Variants in C14orf39 observed in about 807,000 individuals in gnomAD.
C14orf39 encodes the protein chromosome 14 open reading frame 39, also known as protein SIX6OS1.
In C14orf39, 66 loss-of-function variants were observed where a neutral mutation model predicts 85.6. The observed-to-expected ratio is 0.77, with a 90% CI of 0.63 to 0.95. The LOEUF (loss-of-function observed/expected upper bound fraction) is 0.95, where lower values mean the gene tolerates loss of function less well. Among genes scored for constraint, C14orf39 ranks in the 40% least tolerant of loss-of-function variants. The pLI is 0.00. For missense variants in C14orf39, 735 were observed against 663.9 expected (o/e 1.11, Z -1.18); for synonymous variants, 242 against 214.0 (o/e 1.13, Z -1.14).
At chr14:60,504,071 A>C (rs1566689443) in intron 1 of C14orf39, among the ~76,000 whole-genome samples, 1 of 152,196 alleles carries the variant, frequency 6.6e-6, no homozygotes, top group Non-Finnish European at 1.5e-5. Flanking sequence ...GCCAACTGAG[A>C]CTACCGAAAC....
In C14orf39 at chr14:60,451,136, C is replaced by G. The variant is rs1891014432; in HGVS notation, c.1503+3865G>C. On this transcript the variant is annotated intron_variant, in intron 16 of 17. Transcript: ENST00000321731. ...CTAGAAAAATCACCAGGGACCAGTC[C>G]TGGTGATTTCTAACACCAGTCAGAA... Among the ~76,000 whole-genome samples the G allele has an allele frequency of 2.0e-5, 3 of 152,188 alleles. No individual in the cohort carries two copies. The South Asian group carries it at 6.2e-4, about 32-fold the overall frequency.
chr14:60,462,217 AT>A lies in C14orf39; in HGVS notation c.973-625del, dbSNP rs1327332416. Among the ~76,000 whole-genome samples the A allele has an allele frequency of 5.3e-5, 8 of 149,938 alleles. No homozygotes were observed. In the South Asian group the frequency reaches 1.7e-3, roughly 32 times the overall value. On this transcript the variant is annotated intron_variant, in intron 11 of 17. Coordinates refer to ENST00000321731, the MANE Select transcript of C14orf39 (RefSeq NM_174978.3). ...TAGTGAGACCCCATCTCTACAAAAA[AT>A]TAAAAAATTAGCTGAGTTTGGTAGC...
chr14:60,489,913 C>T (rs1892960535), upstream of C14orf39, among the ~76,000 whole-genome samples: 1 of 152,186 alleles, frequency 6.6e-6, no homozygotes, highest in Admixed American at 6.5e-5. Flanking sequence ...CTTCCAATGC[C>T]ATTATGCCAT....
intron 7 of C14orf39, among the ~76,000 whole-genome samples, chr14:60,470,550 T>C (rs1309941826): frequency 6.6e-6 from 1 of 151,946 alleles, no homozygotes; most frequent in Non-Finnish European, 1.5e-5. Context: ...TGCAACCTTA[T>C]ATGTCATCCC....
chr14:60,488,147 A>G (rs1178915702), upstream of C14orf39, among the ~76,000 whole-genome samples: 1 of 152,198 alleles, frequency 6.6e-6, no homozygotes, highest in Admixed American at 6.5e-5. Context: ...TTAGTAGGTA[A>G]AAAGTTAGTC....
At chr14:60,450,803 G>A (rs1890996118) in intron 16 of C14orf39, among the ~76,000 whole-genome samples, 1 of 152,204 alleles carries the variant, frequency 6.6e-6, no homozygotes, top group South Asian at 2.1e-4. Context: ...AGCACAGAGA[G>A]AGAGGCTCCA....
At chr14:60,439,371 A>T (rs1486147304) in intron 17 of C14orf39, among the ~76,000 whole-genome samples, 2 of 152,224 alleles carry the variant, frequency 1.3e-5, no homozygotes, top group African/African-American at 4.8e-5. Flanking sequence ...AACACCAATT[A>T]GGATGATATT....
At chr14:60,447,587 A>G (rs1288559796) in intron 16 of C14orf39, among the ~76,000 whole-genome samples, 1 of 152,212 alleles carries the variant, frequency 6.6e-6, no homozygotes, top group Non-Finnish European at 1.5e-5. Flanking sequence ...ATGGATAGAA[A>G]GACTCAATAT....
chr14:60,483,451 C>T (rs1017304175), intron 4 of C14orf39, among the ~76,000 whole-genome samples: 4 of 152,116 alleles, frequency 2.6e-5, no homozygotes, highest in African/African-American at 9.7e-5. Flanking sequence ...ATATACTGAG[C>T]TTATTCAAAA....
At chr14:60,458,334 G>A (rs886886542) in intron 14 of C14orf39, among the ~76,000 whole-genome samples, 1 of 151,716 alleles carries the variant, frequency 6.6e-6, no homozygotes, top group Non-Finnish European at 1.5e-5. Context: ...CTTGAAACCC[G>A]CTTTTTTAGC....
rs116530735 is a variant in C14orf39 at position 60,503,291 on chromosome 14, T to C, written c.-143-3861A>G. 1.4e-4 allele frequency among the ~76,000 whole-genome samples: 21 copies of C among 152,288 alleles called. No homozygotes were observed. In the South Asian group the frequency reaches 3.5e-3, roughly 26 times the overall value. On this transcript the variant is annotated intron_variant, in intron 1 of 5. Coordinates refer to the C14orf39 transcript ENST00000556799. ...GGGTTTTTAGGGCTTGCAAGGGTTATACCACCTGACAAGACCCAGAAGTGT... is the reference window on the plus strand; with the variant it reads ...GGGTTTTTAGGGCTTGCAAGGGTTACACCACCTGACAAGACCCAGAAGTGT...
chr14:60,479,795 T>C (rs1297401529), intron 4 of C14orf39, among the ~76,000 whole-genome samples: 3 of 152,158 alleles, frequency 2.0e-5, no homozygotes, highest in South Asian at 2.1e-4. Flanking sequence ...TCCATAAATA[T>C]ACACCTATAT....
At chr14:60,506,964 T>A (rs1056356585) in intron 1 of C14orf39, among the ~76,000 whole-genome samples, 1 of 152,206 alleles carries the variant, frequency 6.6e-6, no homozygotes, top group African/African-American at 2.4e-5. Flanking sequence ...TCTCCCCGAA[T>A]GTGCCGCTTC....
chr14:60,436,733 A>T lies in C14orf39; in HGVS notation c.*112T>A. Reference sequence around the variant, plus strand: ...ATAAATATAATCAAATAATGTAAACATTACTGCTTTAATCAATAAAAGAAA... The same window carrying T: ...ATAAATATAATCAAATAATGTAAACTTTACTGCTTTAATCAATAAAAGAAA... On this transcript the variant is annotated 3_prime_UTR_variant, in exon 18 of 18. Coordinates refer to ENST00000321731, the MANE Select transcript of C14orf39 (RefSeq NM_174978.3). 1 of 701,280 alleles carries T rather than the reference A, an allele frequency of 1.4e-6. No individual in the cohort carries two copies. The highest frequency in any genetic ancestry group is 2.7e-5 in the East Asian group (1 of 37,250). 43.4% of individuals were successfully genotyped at this position (701,280 alleles called of 1,614,324 possible). A position where few individuals can be genotyped will look rare whatever the true frequency, so the allele number is the denominator to read the frequency against.
At position 60,491,295 on chromosome 14, in the gene C14orf39, C is replaced by T. The variant is rs2140174857; in HGVS notation, c.-8-6209G>A. ...AAAATGGTGTCTTGTTGCTGTCCTC[C>T]GGAGAGGACAAATGCTATGTCCCAA... On this transcript the variant is annotated intron_variant, in intron 2 of 5. Transcript: ENST00000556799. The surrounding 1 kb of genome is among the most constrained non-coding windows in gnomAD (Gnocchi z 4.5). Among the ~76,000 whole-genome samples the T allele has an allele frequency of 6.6e-6, 1 of 152,226 alleles. No individual in the cohort carries two copies. The highest frequency in any genetic ancestry group is 2.4e-5 in the African/African-American group (1 of 41,550).
At chr14:60,483,119 C>CA (rs1566681751) in intron 4 of C14orf39, among the ~76,000 whole-genome samples, 1 of 151,418 alleles carries the variant, frequency 6.6e-6, no homozygotes, top group Non-Finnish European at 1.5e-5. Flanking sequence ...GGGGGAAAAA[C>CA]AAAAAAGGCT....
chr14:60,509,690 G>T, intron 1 of C14orf39: 3 of 1,614,114 alleles, frequency 1.9e-6, no homozygotes, highest in Non-Finnish European at 2.5e-6. Context: ...ACACTACCAG[G>T]AGGCTGAGAA....
At chr14:60,446,878 T>C (rs1385804769) in intron 16 of C14orf39, among the ~76,000 whole-genome samples, 1 of 152,236 alleles carries the variant, frequency 6.6e-6, no homozygotes, top group Non-Finnish European at 1.5e-5. Flanking sequence ...ATCCCTAGGA[T>C]GCAAGGCTGG....
chr14:60,498,124 TG>T (rs140347477), intron 2 of C14orf39, among the ~76,000 whole-genome samples: 95,846 of 152,052 alleles, frequency 0.63, 31,249 homozygotes, highest in Admixed American at 0.71. Flanking sequence ...ATGAATTTAT[TG>T]TAATGAAGCA....
Sources: allele counts gnomAD v4.1 joint callset (sites outside exome capture counted in the v4.1 genomes callset), GRCh38; gene constraint gnomAD v4.1.1; non-coding constraint Gnocchi (gnomAD v3.1); transcripts MANE v1.5; gene names NCBI Gene and HGNC (gene_info 2026-07-23, HGNC 2026-07-21).